The following UNC13C variants were observed in gnomAD, a reference collection of about 807,000 sequenced individuals.
UNC13C encodes protein unc-13 homolog C.
In UNC13C, 174 loss-of-function variants were observed where a neutral mutation model predicts 245.4. The observed-to-expected ratio is 0.71, with a 90% CI of 0.63 to 0.80. UNC13C has a LOEUF of 0.80. Ranked by LOEUF, UNC13C falls within the 30% of genes least tolerant of loss-of-function variation. The probability of loss-of-function intolerance (pLI) is 0.00; values close to 1 mark genes in which losing one functional copy is unlikely to be tolerated. For synonymous variants in UNC13C, 992 were observed against 895.1 expected, an observed-to-expected ratio of 1.11 and a Z score of -1.93; for missense variants, 2,829 against 2,602.9, an observed-to-expected ratio of 1.09 and a Z score of -1.89.
chr15:54,481,284 C>T (rs1893094646), intron 19 of UNC13C, among the ~76,000 whole-genome samples: 1 of 151,978 alleles, frequency 6.6e-6, no homozygotes, highest in South Asian at 2.1e-4. Context: ...TGGTGGTGAG[C>T]CAACCCTCAG....
chr15:54,219,507 C>G (rs1161776853), intron 4 of UNC13C, among the ~76,000 whole-genome samples: 1 of 148,958 alleles, frequency 6.7e-6, no homozygotes, highest in Non-Finnish European at 1.5e-5. Context: ...TAGAAGCAAA[C>G]CTAGGCATTA....
intron 17 of UNC13C, among the ~76,000 whole-genome samples, chr15:54,357,893 T>TTGTA (rs945609863): frequency 1.3e-5 from 2 of 151,412 alleles, no homozygotes; most frequent in Non-Finnish European, 3.0e-5. Flanking sequence ...TTATATGTGT[T>TTGTA]TGTATGTATG....
chr15:54,552,818 T>TATTATATTCTATATTAC (rs1896875760), intron 28 of UNC13C, among the ~76,000 whole-genome samples: 1 of 93,940 alleles, frequency 1.1e-5, no homozygotes, highest in Non-Finnish European at 1.8e-5. Flanking sequence ...CAATATAATA[T>TATTATATTCTATATTAC]AATATATAAT....
intron 29 of UNC13C, among the ~76,000 whole-genome samples, chr15:54,564,096 T>A (rs1031166378): frequency 6.6e-6 from 1 of 152,042 alleles, no homozygotes; most frequent in African/African-American, 2.4e-5. Flanking sequence ...TGGCGTATGT[T>A]ATTTGTCTGT....
chr15:54,195,225 G>C (rs1480581682), intron 4 of UNC13C, among the ~76,000 whole-genome samples: 1 of 152,036 alleles, frequency 6.6e-6, no homozygotes, highest in African/African-American at 2.4e-5. Context: ...GGTAGCAGAG[G>C]AAAAAAGCCT....
the UNC13C span, among the ~76,000 whole-genome samples, chr15:53,868,985 C>T: frequency 5.3e-5 from 8 of 152,024 alleles, no homozygotes; most frequent in Admixed American, 1.3e-4. Flanking sequence ...TGGTGCATGC[C>T]TGTAGTCTGG....
the UNC13C span, among the ~76,000 whole-genome samples, chr15:53,905,792 T>C: frequency 6.6e-6 from 1 of 152,198 alleles, no homozygotes; most frequent in East Asian, 1.9e-4. Context: ...CAAAGGTAAC[T>C]ATGTGAGGTG....
intron 1 of UNC13C, among the ~76,000 whole-genome samples, chr15:54,002,643 G>A (rs146878407): frequency 8.5e-5 from 13 of 152,252 alleles, no homozygotes; most frequent in African/African-American, 2.9e-4. Context: ...GTCCTCAATG[G>A]CCTTCCTTTA....
In UNC13C at chr15:54,098,178, A is replaced by G. The variant is rs532094126; in HGVS notation, c.2984-44840A>G. 7.2e-5 allele frequency among the ~76,000 whole-genome samples: 11 copies of G among 151,896 alleles called. No individual in the cohort carries two copies. The South Asian group carries it at 2.3e-3, about 32-fold the overall frequency. On this transcript the variant is annotated intron_variant, in intron 2 of 32. Transcript: ENST00000260323. ...ACTCCCTCTATAGCGTTTTTATTTT[A>G]TTTTATTTTATTTTGAGATGGAGTC...
chr15:53,871,083 C>T, the UNC13C span, among the ~76,000 whole-genome samples: 24 of 152,264 alleles, frequency 1.6e-4, no homozygotes, highest in African/African-American at 5.3e-4. Context: ...TGCCCCACTC[C>T]CCCAAATAAA....
At chr15:54,102,701 A>C (rs1359165932) in intron 2 of UNC13C, among the ~76,000 whole-genome samples, 1 of 152,232 alleles carries the variant, frequency 6.6e-6, no homozygotes. Flanking sequence ...CTGAGTGTTC[A>C]TTCTAGTGTT....
At chr15:54,199,503 T>G (rs531078252) in intron 4 of UNC13C, among the ~76,000 whole-genome samples, 3 of 151,902 alleles carry the variant, frequency 2.0e-5, no homozygotes, top group African/African-American at 7.3e-5. Flanking sequence ...TCAGCAGAGA[T>G]CCTACAAGCT....
the UNC13C span, among the ~76,000 whole-genome samples, chr15:53,949,396 A>G: frequency 6.6e-6 from 1 of 152,208 alleles, no homozygotes; most frequent in Admixed American, 6.5e-5. Flanking sequence ...ATCCATAGAC[A>G]TTTATTTTGG....
intron 1 of UNC13C, among the ~76,000 whole-genome samples, chr15:53,981,058 G>T (rs188556295): frequency 6.6e-6 from 1 of 152,140 alleles, no homozygotes; most frequent in Non-Finnish European, 1.5e-5. Context: ...AACGTACTTC[G>T]TTGTCTGCTG....
intron 19 of UNC13C, among the ~76,000 whole-genome samples, chr15:54,447,437 C>A (rs571430671): frequency 6.6e-6 from 1 of 152,246 alleles, no homozygotes; most frequent in South Asian, 2.1e-4. Context: ...TTAATTATTG[C>A]CTCAATTTCA....
chr15:54,226,645 G>A (rs2140800844), intron 4 of UNC13C, among the ~76,000 whole-genome samples: 1 of 152,330 alleles, frequency 6.6e-6, no homozygotes, highest in East Asian at 1.9e-4. Context: ...GGCAAGGGGT[G>A]TGTTGGAGAG....
the UNC13C span, among the ~76,000 whole-genome samples, chr15:53,841,165 G>A: frequency 6.6e-6 from 1 of 151,934 alleles, no homozygotes; most frequent in African/African-American, 2.4e-5. Flanking sequence ...AGAAAATTGG[G>A]GAATTACAGA....
intron 2 of UNC13C, among the ~76,000 whole-genome samples, chr15:54,109,301 C>CTCCCT (rs1401979962): frequency 7.9e-5 from 5 of 62,994 alleles, no homozygotes; most frequent in African/African-American, 3.0e-4. Context: ...CTCCCTTCCC[C>CTCCCT]TCCCCTCCCC....
chr15:54,161,823 C>G (rs889237127), intron 4 of UNC13C, among the ~76,000 whole-genome samples: 2 of 152,062 alleles, frequency 1.3e-5, no homozygotes, highest in African/African-American at 4.8e-5. Flanking sequence ...GCATGCACAT[C>G]TGTAGTCCCA....
Sources: allele counts gnomAD v4.1 joint callset (sites outside exome capture counted in the v4.1 genomes callset), GRCh38; gene constraint gnomAD v4.1.1; transcripts MANE v1.5; gene names NCBI Gene and HGNC (gene_info 2026-07-23, HGNC 2026-07-21).